CHST11: variants seen among roughly 807,000 people sequenced by gnomAD.
CHST11 encodes carbohydrate sulfotransferase 11, also known as C4S-1.
In CHST11, 9 loss-of-function variants were observed where a neutral mutation model predicts 30.4. That is an observed-to-expected ratio of 0.30 (90% confidence interval 0.18 to 0.52). CHST11 has a LOEUF of 0.52. Ranked by LOEUF, CHST11 falls within the 20% of genes least tolerant of loss-of-function variation. The pLI, the probability that CHST11 is intolerant of heterozygous loss-of-function variation, is 0.97. For missense variants in CHST11, 348 were observed against 460.6 expected, an observed-to-expected ratio of 0.76 and a Z score of 2.24; for synonymous variants, 152 against 187.8, an observed-to-expected ratio of 0.81 and a Z score of 1.56.
At chr12:104,752,505 C>CTTATTTATTTAT (rs56136898) in intron 2 of CHST11, among the ~76,000 whole-genome samples, 74 of 149,558 alleles carry the variant, frequency 4.9e-4, no homozygotes, top group African/African-American at 1.7e-3. Flanking sequence ...AATTTATTTA[C>CTTATTTATTTAT]TTATTTATTT....
chr12:104,496,717 C>A (rs1158882293), intron 1 of CHST11, among the ~76,000 whole-genome samples: 2 of 151,906 alleles, frequency 1.3e-5, no homozygotes, highest in Admixed American at 1.3e-4. Context: ...AAGTCATAGA[C>A]TAATCCTCAA....
At chr12:104,471,837 G>A (rs1223237720) in intron 1 of CHST11, among the ~76,000 whole-genome samples, 1 of 152,154 alleles carries the variant, frequency 6.6e-6, no homozygotes, top group Non-Finnish European at 1.5e-5. Context: ...CAGGCTAGCT[G>A]CATTTCAAAT....
chr12:104,527,525 C>T (rs2038139172), intron 1 of CHST11, among the ~76,000 whole-genome samples: 1 of 152,202 alleles, frequency 6.6e-6, no homozygotes, highest in African/African-American at 2.4e-5. Context: ...ATCCTTCTCT[C>T]TGTCTCCCTC....
Position 104,478,591 on chromosome 12 carries a change from T to A in CHST11, c.118+21062T>A, listed in dbSNP as rs371995977. On this transcript the variant is annotated intron_variant, in intron 1 of 2. Coordinates refer to ENST00000303694, the MANE Select transcript of CHST11 (RefSeq NM_018413.6). ...AGGTTTCCTGTTAAGTAGGATGTGGTCAGTTAGCTTCGGTTATCTGTAAGT... is the reference window on the plus strand; with the variant it reads ...AGGTTTCCTGTTAAGTAGGATGTGGACAGTTAGCTTCGGTTATCTGTAAGT... 3.0e-4 allele frequency among the ~76,000 whole-genome samples: 46 copies of A among 152,288 alleles called. 1 individual carries two copies. The East Asian group carries it at 5.4e-3, about 18-fold the overall frequency.
chr12:104,479,235 A>G (rs2037594216), intron 1 of CHST11, among the ~76,000 whole-genome samples: 1 of 151,780 alleles, frequency 6.6e-6, no homozygotes, highest in South Asian at 2.1e-4. Context: ...CAAGCACCCT[A>G]GCATGTGATT....
chr12:104,744,848 T>C (rs1475275413), intron 2 of CHST11, among the ~76,000 whole-genome samples: 1 of 11,960 alleles, frequency 8.4e-5, no homozygotes, highest in Admixed American at 7.6e-4. Context: ...CAGCATCATT[T>C]ATTTATTTAT....
intron 1 of CHST11, among the ~76,000 whole-genome samples, chr12:104,514,906 C>G (rs373742395): frequency 7.9e-5 from 12 of 152,240 alleles, no homozygotes; most frequent in African/African-American, 2.9e-4. Flanking sequence ...GCCTCAGTTT[C>G]CTCAGCGGTA....
intron 2 of CHST11, among the ~76,000 whole-genome samples, chr12:104,687,698 G>T (rs759678567): frequency 5.3e-5 from 8 of 152,136 alleles, no homozygotes; most frequent in Non-Finnish European, 1.2e-4. Flanking sequence ...AGATGTCAAG[G>T]CCAGTTTAGC....
rs766822470 is a variant in CHST11, at chr12:104,757,315, A to C, written c.571A>C (p.Arg191=). 6.2e-7 allele frequency: 1 copy of C among 1,613,994 alleles called. No individual in the cohort carries two copies. Among genetic ancestry groups the C allele is most frequent in the African/African-American group, 1.3e-5 (1 of 74,882 alleles). ...CCTGTTTGTCCGGGAGCCCTTCGAG[A>C]GGCTAGTGTCCGCCTACCGCAACAA... ...KFLFVREPFE[R]LVSAYRNKFT... is the part of the protein sequence containing the mutation. Residue 191 remains arginine, a synonymous_variant, in exon 3 of 3, where the codon AGG becomes CGG. Transcript: ENST00000303694. The surrounding 1 kb of genome is among the most constrained non-coding windows in gnomAD (Gnocchi z 6.5).
At chr12:104,534,773 T>C (rs940163339) in intron 1 of CHST11, among the ~76,000 whole-genome samples, 2 of 152,220 alleles carry the variant, frequency 1.3e-5, no homozygotes, top group Non-Finnish European at 2.9e-5. Flanking sequence ...GGCTGATTTC[T>C]TGGGAGCTTT....
At chr12:104,493,852 C>A (rs2037773991) in intron 1 of CHST11, among the ~76,000 whole-genome samples, 1 of 152,172 alleles carries the variant, frequency 6.6e-6, no homozygotes, top group African/African-American at 2.4e-5. Context: ...GAGACTGGGT[C>A]TTGCTCTGTC....
At chr12:104,680,272 C>T (rs536805546) in intron 2 of CHST11, among the ~76,000 whole-genome samples, 7 of 152,344 alleles carry the variant, frequency 4.6e-5, no homozygotes, top group African/African-American at 1.4e-4. Context: ...TCTTGCCTCT[C>T]AACACTGGAG....
intron 2 of CHST11, among the ~76,000 whole-genome samples, chr12:104,632,437 G>C (rs1201323771): frequency 6.6e-6 from 1 of 152,180 alleles, no homozygotes; most frequent in East Asian, 1.9e-4. Flanking sequence ...CCGAGCTAAC[G>C]GGGATGAGGC....
At chr12:104,647,566 T>C (rs1286260520) in intron 2 of CHST11, among the ~76,000 whole-genome samples, 1 of 152,256 alleles carries the variant, frequency 6.6e-6, no homozygotes, top group Non-Finnish European at 1.5e-5. Flanking sequence ...ATATTCTATC[T>C]TGTTCCTTTC....
chr12:104,627,160 C>T (rs1266972645), intron 2 of CHST11, among the ~76,000 whole-genome samples: 1 of 152,174 alleles, frequency 6.6e-6, no homozygotes, highest in African/African-American at 2.4e-5. Flanking sequence ...CATGTCTTTG[C>T]ATGGCTTGAT....
intron 1 of CHST11, among the ~76,000 whole-genome samples, chr12:104,516,956 G>A (rs1358838039): frequency 1.4e-4 from 22 of 152,096 alleles, no homozygotes; most frequent in African/African-American, 4.6e-4. Flanking sequence ...CTAGAGTTAC[G>A]AATGGTAAAA....
chr12:104,489,227 G>A (rs1409249749), intron 1 of CHST11, among the ~76,000 whole-genome samples: 1 of 151,626 alleles, frequency 6.6e-6, no homozygotes, highest in Non-Finnish European at 1.5e-5. Context: ...AGTAGAGATG[G>A]GGTTTCACCA....
At position 104,503,797 on chromosome 12, in the gene CHST11, G is replaced by A. The variant is rs549234635; in HGVS notation, c.118+46268G>A. On this transcript the variant is annotated intron_variant, in intron 1 of 2. Coordinates refer to ENST00000303694, the MANE Select transcript of CHST11 (RefSeq NM_018413.6). ...GTTAGTACCCGTTCGCTTTCTCTGTGGCCAGGGATTGCTTCAGGAACTGAC... is the reference window on the plus strand; with the variant it reads ...GTTAGTACCCGTTCGCTTTCTCTGTAGCCAGGGATTGCTTCAGGAACTGAC... 1.8e-3 allele frequency among the ~76,000 whole-genome samples: 280 copies of A among 152,282 alleles called. 1 individual carries two copies. Among genetic ancestry groups the A allele is most frequent in the African/African-American group, 6.0e-3 (249 of 41,548 alleles).
At chr12:104,566,008 C>T (rs1358627644) in intron 1 of CHST11, among the ~76,000 whole-genome samples, 1 of 152,184 alleles carries the variant, frequency 6.6e-6, no homozygotes, top group African/African-American at 2.4e-5. Flanking sequence ...TGTGCTTCCC[C>T]TTTTGCCTCC....
Sources: allele counts gnomAD v4.1 joint callset (sites outside exome capture counted in the v4.1 genomes callset), GRCh38; gene constraint gnomAD v4.1.1; non-coding constraint Gnocchi (gnomAD v3.1); transcripts MANE v1.5; gene names NCBI Gene and HGNC (gene_info 2026-07-23, HGNC 2026-07-21).